NAALADL2: variants seen among roughly 807,000 people sequenced by gnomAD.
The protein encoded by NAALADL2 is N-acetylated alpha-linked acidic dipeptidase like 2, also known as inactive N-acetylated-alpha-linked acidic dipeptidase-like protein 2.
A neutral mutation model predicts 87.2 loss-of-function variants in NAALADL2; 76 were observed. The observed-to-expected ratio is 0.87, with a 90% CI of 0.72 to 1.05. NAALADL2 has a LOEUF of 1.05. Ranked by LOEUF, NAALADL2 falls within the 50% of genes least tolerant of loss-of-function variation. The pLI is 0.00. For synonymous variants in NAALADL2, 354 were observed against 331.0 expected, an observed-to-expected ratio of 1.07 and a Z score of -0.75; for missense variants, 1,089 against 945.8, an observed-to-expected ratio of 1.15 and a Z score of -1.99.
chr3:175,617,671 G>A (rs1393717745), intron 10 of NAALADL2, among the ~76,000 whole-genome samples: 1 of 152,098 alleles, frequency 6.6e-6, no homozygotes, highest in Non-Finnish European at 1.5e-5. Context: ...AGCACTATCT[G>A]GTCCTATGGC....
chr3:175,221,840 T>C (rs1743425315), intron 2 of NAALADL2, among the ~76,000 whole-genome samples: 2 of 151,970 alleles, frequency 1.3e-5, no homozygotes, highest in South Asian at 4.1e-4. Flanking sequence ...CGTGGCTCGA[T>C]CTTGGCTCAC....
chr3:174,754,781 C>G (rs1560197670), intron 3 of NAALADL2, among the ~76,000 whole-genome samples: 1 of 152,140 alleles, frequency 6.6e-6, no homozygotes, highest in Non-Finnish European at 1.5e-5. Flanking sequence ...TTTAATCTTT[C>G]TTTCAGTCTC....
At chr3:174,781,273 T>C (rs486932) in intron 3 of NAALADL2, among the ~76,000 whole-genome samples, 82,528 of 151,460 alleles carry the variant, frequency 0.54, 22,800 homozygotes, top group Middle Eastern at 0.67. Context: ...TTGCTCTTCT[T>C]GAGGAGTATC....
At chr3:175,053,213 A>G (rs1249969894) in intron 1 of NAALADL2, among the ~76,000 whole-genome samples, 6 of 152,192 alleles carry the variant, frequency 3.9e-5, no homozygotes, top group Non-Finnish European at 8.8e-5. Flanking sequence ...TCCAGGCATT[A>G]TTGCCAGCCA....
intron 1 of NAALADL2, among the ~76,000 whole-genome samples, chr3:175,089,844 C>T (rs1375796264): frequency 6.6e-6 from 1 of 152,154 alleles, no homozygotes; most frequent in Non-Finnish European, 1.5e-5. Flanking sequence ...TGATGGAACT[C>T]AAGAAGACCC....
intron 2 of NAALADL2, among the ~76,000 whole-genome samples, chr3:175,132,052 C>T (rs1728062272): frequency 7.4e-6 from 1 of 134,974 alleles, no homozygotes; most frequent in African/African-American, 2.9e-5. Context: ...AGGGGCTCCT[C>T]ACTTCCCAGT....
chr3:175,719,388 A>T (rs990912411), intron 11 of NAALADL2, among the ~76,000 whole-genome samples: 1 of 152,082 alleles, frequency 6.6e-6, no homozygotes, highest in African/African-American at 2.4e-5. Flanking sequence ...ATAATAAAAA[A>T]AAAAAGTTCC....
rs372824141 is a variant in NAALADL2, at chr3:174,952,638, T to G, written c.43+93188T>G. ...GGAATATTGGACTGAAACATGGTAA[T>G]GGGAAGACACGTAAGGAGGTTGCTG... On this transcript the variant is annotated intron_variant, in intron 1 of 13. Coordinates refer to ENST00000454872, the MANE Select transcript of NAALADL2 (RefSeq NM_207015.3). Among the ~76,000 whole-genome samples the G allele has an allele frequency of 2.0e-5, 3 of 152,136 alleles. No individual in the cohort carries two copies. In the East Asian group the frequency reaches 5.8e-4, roughly 29 times the overall value.
chr3:174,961,714 C>G (rs776965338), intron 1 of NAALADL2, among the ~76,000 whole-genome samples: 1 of 152,016 alleles, frequency 6.6e-6, no homozygotes, highest in Non-Finnish European at 1.5e-5. Flanking sequence ...GAGTAGAAGA[C>G]GTCTGGCAGG....
chr3:174,565,148 A>C (rs950355449), intron 2 of NAALADL2, among the ~76,000 whole-genome samples: 45 of 152,094 alleles, frequency 3.0e-4, no homozygotes, highest in Admixed American at 8.5e-4. Flanking sequence ...GTTACAATTG[A>C]TGAGCCAATA....
At chr3:175,063,180 T>G (rs754954556) in intron 1 of NAALADL2, among the ~76,000 whole-genome samples, 2 of 152,170 alleles carry the variant, frequency 1.3e-5, no homozygotes, top group Non-Finnish European at 2.9e-5. Flanking sequence ...AACAGTCTGT[T>G]TACCTTTAAG....
chr3:175,345,239 C>T (rs1332722204), intron 5 of NAALADL2, among the ~76,000 whole-genome samples: 1 of 151,906 alleles, frequency 6.6e-6, no homozygotes, highest in Non-Finnish European at 1.5e-5. Flanking sequence ...GAGTAACCTT[C>T]CTAAGGTACT....
At chr3:175,604,830 A>C (rs1257755815) in intron 10 of NAALADL2, among the ~76,000 whole-genome samples, 1 of 152,192 alleles carries the variant, frequency 6.6e-6, no homozygotes, top group Non-Finnish European at 1.5e-5. Context: ...AAGTGGCTTC[A>C]ATGTTGAAGC....
chr3:174,605,915 C>T (rs900136659), intron 2 of NAALADL2, among the ~76,000 whole-genome samples: 8 of 152,162 alleles, frequency 5.3e-5, no homozygotes, highest in African/African-American at 1.9e-4. Flanking sequence ...CTGGGAGGCA[C>T]CCCCCAGTAG....
chr3:175,359,435 C>A (rs1278594260), intron 5 of NAALADL2, among the ~76,000 whole-genome samples: 1 of 152,022 alleles, frequency 6.6e-6, no homozygotes, highest in Admixed American at 6.6e-5. Flanking sequence ...GTGTTAAGTG[C>A]AACTGGGAGA....
At chr3:175,329,291 T>C (rs1761120167) in intron 5 of NAALADL2, among the ~76,000 whole-genome samples, 1 of 152,240 alleles carries the variant, frequency 6.6e-6, no homozygotes, top group South Asian at 2.1e-4. Flanking sequence ...GGCTCTATTC[T>C]AGGGAAATGT....
At chr3:175,670,786 G>T (rs1009773206) in intron 11 of NAALADL2, among the ~76,000 whole-genome samples, 1 of 150,810 alleles carries the variant, frequency 6.6e-6, no homozygotes, top group Non-Finnish European at 1.5e-5. Context: ...GTTTTTTAAT[G>T]AGCTTTATTA....
intron 1 of NAALADL2, among the ~76,000 whole-genome samples, chr3:174,973,848 C>T (rs913941753): frequency 1.7e-4 from 26 of 152,038 alleles, no homozygotes; most frequent in African/African-American, 5.3e-4. Flanking sequence ...TTTATGGGAC[C>T]GCCATCAAAT....
chr3:174,486,065 T>A (rs1417387225), intron 1 of NAALADL2, among the ~76,000 whole-genome samples: 2 of 152,028 alleles, frequency 1.3e-5, no homozygotes, highest in Non-Finnish European at 2.9e-5. Context: ...ACCCAAGTGC[T>A]TCTCAGTTCC....
Sources: allele counts gnomAD v4.1 joint callset (sites outside exome capture counted in the v4.1 genomes callset), GRCh38; gene constraint gnomAD v4.1.1; transcripts MANE v1.5; gene names NCBI Gene and HGNC (gene_info 2026-07-23, HGNC 2026-07-21).